TRAF3IP2: variants seen among roughly 807,000 people sequenced by gnomAD.
TRAF3IP2 encodes the protein TRAF3 interacting protein 2, also known as E3 ubiquitin ligase TRAF3IP2.
In TRAF3IP2, 35 loss-of-function variants were observed where a neutral mutation model predicts 57.9. The observed-to-expected ratio is 0.60, with a 90% CI of 0.46 to 0.80. TRAF3IP2 has a LOEUF of 0.80. Ranked by LOEUF, TRAF3IP2 falls within the 30% of genes least tolerant of loss-of-function variation. The pLI is 0.00. For missense variants in TRAF3IP2, 556 were observed against 706.4 expected (o/e 0.79, Z 2.41); for synonymous variants, 251 against 268.9 (o/e 0.93, Z 0.65).
In TRAF3IP2 at chr6:111,580,360, G is replaced by C. The variant is rs1357036605; in HGVS notation, c.859C>G (p.Gln287Glu). Residue 287 changes from glutamine (Q) to glutamate (E), a missense_variant, in exon 3 of 9, where the codon CAG (glutamine) becomes GAG (glutamate). Transcript: ENST00000368761. ...YGHDYPRAAY[Q>E]QVIQPALPGQ... is the part of the protein sequence containing the mutation. ...GGCAGAGCCGGCTGGATCACTTGCT[G>C]GTAGGCTGCTCGAGGGTAGTCATGG... is the stretch of plus-strand genomic sequence containing the variant. 6.3e-7 allele frequency: 1 copy of C among 1,577,400 alleles called. No individual in the cohort carries two copies. Among genetic ancestry groups the C allele is most frequent in the East Asian group, 2.3e-5 (1 of 44,406 alleles).
chr6:111,569,597 C>CA (rs896487493), intron 5 of TRAF3IP2, among the ~76,000 whole-genome samples: 3 of 150,672 alleles, frequency 2.0e-5, no homozygotes, highest in African/African-American at 7.3e-5. Flanking sequence ...ACTAAAAATA[C>CA]AAAAAAAAAT....
intron 7 of TRAF3IP2, among the ~76,000 whole-genome samples, chr6:111,563,884 G>T (rs1411752337): frequency 6.6e-6 from 1 of 152,154 alleles, no homozygotes; most frequent in Non-Finnish European, 1.5e-5. Flanking sequence ...AGAAGATTTA[G>T]CTACCAAGAA....
chr6:111,582,387 G>A (rs978673509), intron 2 of TRAF3IP2, among the ~76,000 whole-genome samples: 1 of 151,774 alleles, frequency 6.6e-6, no homozygotes. Context: ...GGTTTAAAGA[G>A]GGGGAGGAGG....
chr6:111,560,442 G>C (rs963007284), intron 8 of TRAF3IP2, among the ~76,000 whole-genome samples: 10 of 152,196 alleles, frequency 6.6e-5, no homozygotes, highest in African/African-American at 2.4e-4. Flanking sequence ...CCACCATAAG[G>C]CCTTTGCTTT....
At position 111,557,216 on chromosome 6, in the gene TRAF3IP2, T is replaced by C. The variant is rs1795268525; in HGVS notation, c.*2189A>G. On this transcript the variant is annotated 3_prime_UTR_variant, in exon 9 of 9. Transcript: ENST00000368761. ...GCTAGTAGATAAAGAAGGGAAGCAG[T>C]AGCTTGCAGCCCCAAAAAGTCTTCA... 6.6e-6 allele frequency: 1 copy of C among 152,100 alleles called. No individual in the cohort carries two copies. The highest frequency in any genetic ancestry group is 6.6e-5 in the Admixed American group (1 of 15,256). 9.4% of individuals were successfully genotyped at this position (152,100 alleles called of 1,614,324 possible).
intron 4 of TRAF3IP2, 43 bp from the exon 5 acceptor site, chr6:111,573,026 T>C: frequency 7.0e-7 from 1 of 1,432,276 alleles, no homozygotes; most frequent in Non-Finnish European, 9.8e-7. Context: ...GATCAAATTA[T>C]TCTATTGTAA....
chr6:111,557,725 T>C lies in TRAF3IP2; in HGVS notation c.*1680A>G, dbSNP rs1795293947. 1 of 151,560 alleles carries C rather than the reference T, an allele frequency of 6.6e-6. No homozygotes were observed. The highest frequency in any genetic ancestry group is 2.1e-4 in the South Asian group (1 of 4,788). 9.4% of individuals were successfully genotyped at this position (151,560 alleles called of 1,614,324 possible). A position where few individuals can be genotyped will look rare whatever the true frequency, so the allele number is the denominator to read the frequency against. On this transcript the variant is annotated 3_prime_UTR_variant, in exon 9 of 9. Coordinates refer to ENST00000368761, the MANE Select transcript of TRAF3IP2 (RefSeq NM_147686.4). ...GATTACAGGCGTGAGAAGATATTTT[T>C]TAAAAGAGGAAAATGTTGGCTGGGT... is the stretch of plus-strand genomic sequence containing the variant.
chr6:111,572,404 TG>T (rs1795858378), intron 5 of TRAF3IP2, among the ~76,000 whole-genome samples: 2 of 152,144 alleles, frequency 1.3e-5, no homozygotes, highest in South Asian at 4.1e-4. Flanking sequence ...GGTATGAAAA[TG>T]GCAGCTGTGC....
In TRAF3IP2 at chr6:111,567,219, G is replaced by A. The variant is rs1461544436; in HGVS notation, c.1359+405C>T. ...TCACGGGGCTGCACGTGGGCACCTC[G>A]GGGGTGGTGTGCTGTGCAGCCTGCG... is the stretch of plus-strand genomic sequence containing the variant. On this transcript the variant is annotated intron_variant, in intron 6 of 8. Transcript: ENST00000368761. The A allele has an allele frequency of 5.0e-6, 5 of 1,005,436 alleles. No individual in the cohort carries two copies. The African/African-American group carries it at 5.2e-5, about 10-fold the overall frequency. The allele number at this position is 1,005,436 out of a possible 1,614,324, so 62.3% of individuals were successfully genotyped here.
chr6:111,579,823 G>C (rs1318842367), intron 3 of TRAF3IP2, among the ~76,000 whole-genome samples: 1 of 152,206 alleles, frequency 6.6e-6, no homozygotes, highest in African/African-American at 2.4e-5. Flanking sequence ...AACAGGAACA[G>C]ACACTAGACA....
intron 1 of TRAF3IP2, chr6:111,598,025 C>T (rs1017538242): frequency 2.5e-6 from 1 of 403,190 alleles, no homozygotes; most frequent in Non-Finnish European, 4.8e-6. Context: ...GCTGGCAGTG[C>T]CCTGGGTCAT....
rs1386644741 is a variant in TRAF3IP2, at chr6:111,560,030, C to T, written c.1552-479G>A. Among the ~76,000 whole-genome samples the T allele has an allele frequency of 3.3e-5, 5 of 152,182 alleles. No individual in the cohort carries two copies. In the East Asian group the frequency reaches 9.6e-4, roughly 29 times the overall value. Reference sequence around the variant, plus strand: ...AGGCAGAAACTGTTAGCCAGGGATCCTGGGGGTGCAGTGTCAGACTGCCCT... The same window carrying T: ...AGGCAGAAACTGTTAGCCAGGGATCTTGGGGGTGCAGTGTCAGACTGCCCT... On this transcript the variant is annotated intron_variant, in intron 8 of 8. Coordinates refer to ENST00000368761, the MANE Select transcript of TRAF3IP2 (RefSeq NM_147686.4).
At chr6:111,583,513 C>T (rs1358620219) in intron 2 of TRAF3IP2, among the ~76,000 whole-genome samples, 1 of 152,156 alleles carries the variant, frequency 6.6e-6, no homozygotes, top group Admixed American at 6.5e-5. Flanking sequence ...GGAGTGCAAA[C>T]CCTATTGTGA....
At chr6:111,595,076 A>G (rs1187001962) in intron 1 of TRAF3IP2, among the ~76,000 whole-genome samples, 1 of 152,180 alleles carries the variant, frequency 6.6e-6, no homozygotes, top group Non-Finnish European at 1.5e-5. Context: ...TACTAAAAGT[A>G]CAAAAATTAG....
chr6:111,600,021 G>A (rs1247688048), intron 1 of TRAF3IP2: 1 of 152,170 alleles, frequency 6.6e-6, no homozygotes, highest in African/African-American at 2.4e-5. Context: ...GTTACCTAAC[G>A]TCTCTGGGCC....
At chr6:111,592,783 C>T (rs1249151057) in intron 1 of TRAF3IP2, among the ~76,000 whole-genome samples, 1 of 151,980 alleles carries the variant, frequency 6.6e-6, no homozygotes, top group Non-Finnish European at 1.5e-5. Flanking sequence ...AGAAAGCAAG[C>T]CCAAGTTTAA....
At chr6:111,601,156 C>T in intron 1 of TRAF3IP2, 2 of 771,770 alleles carry the variant, frequency 2.6e-6, no homozygotes, top group Non-Finnish European at 4.9e-6. Context: ...CACATAACCC[C>T]TAGGAGATTC....
chr6:111,592,190 T>C, intron 1 of TRAF3IP2, 96 bp from the exon 2 acceptor site: 2 of 1,072,136 alleles, frequency 1.9e-6, no homozygotes, highest in Non-Finnish European at 2.7e-6. Context: ...AAGATGTGGT[T>C]TAAATTAACA....
intron 4 of TRAF3IP2, among the ~76,000 whole-genome samples, chr6:111,574,992 C>T (rs935332705): frequency 6.6e-6 from 1 of 152,126 alleles, no homozygotes; most frequent in African/African-American, 2.4e-5. Context: ...GAGGCCAAGG[C>T]GGGTGGATCA....
Sources: gnomAD v4.1 joint callset for allele counts (sites outside exome capture counted in the v4.1 genomes callset) on GRCh38, gnomAD v4.1.1 for gene constraint, MANE v1.5 for transcripts, NCBI Gene and HGNC (gene_info 2026-07-23, HGNC 2026-07-21) for gene names.